The following DNAH6 variants were observed in gnomAD, a reference collection of about 807,000 sequenced individuals.
The protein encoded by DNAH6 is axonemal beta dynein heavy chain 6.
DNAH6 carries 340 observed loss-of-function variants against 491.4 expected under a neutral mutation model. That is an observed-to-expected ratio of 0.69 (90% CI 0.63 to 0.76). The LOEUF (loss-of-function observed/expected upper bound fraction) is 0.76. Among genes scored for constraint, DNAH6 ranks in the 30% least tolerant of loss-of-function variants. The pLI, the probability that DNAH6 is intolerant of heterozygous loss-of-function variation, is 0.00. For missense variants in DNAH6, 4,443 were observed against 4,972.2 expected (o/e 0.89, Z 3.20); for synonymous variants, 1,603 against 1,686.1 (o/e 0.95, Z 1.21).
chr2:84,598,814 G>A (rs916207744), intron 18 of DNAH6, among the ~76,000 whole-genome samples: 2 of 152,050 alleles, frequency 1.3e-5, no homozygotes, highest in Middle Eastern at 3.4e-3. Flanking sequence ...GGTGGATCAC[G>A]AGGTCAAGAG....
intron 21 of DNAH6, among the ~76,000 whole-genome samples, chr2:84,609,761 A>G (rs750468683): frequency 6.6e-6 from 1 of 152,124 alleles, no homozygotes; most frequent in Non-Finnish European, 1.5e-5. Context: ...ATTTTGACCC[A>G]GAGACAAAGT....
chr2:84,817,313 A>G (rs1216118883), intron 76 of DNAH6, among the ~76,000 whole-genome samples: 1 of 152,272 alleles, frequency 6.6e-6, no homozygotes, highest in Non-Finnish European at 1.5e-5. Flanking sequence ...GTGCATATAA[A>G]AAGATAATGG....
At chr2:84,553,115 A>G (rs1038764407) in intron 10 of DNAH6, 81 bp downstream of exon 10, 10 of 776,718 alleles carry the variant, frequency 1.3e-5, no homozygotes, top group Non-Finnish European at 2.1e-5. Flanking sequence ...ATTGGTTGTC[A>G]GAATTGCAGT....
intron 76 of DNAH6, among the ~76,000 whole-genome samples, chr2:84,817,338 A>C (rs1275703546): frequency 2.0e-5 from 3 of 152,252 alleles, no homozygotes; most frequent in Non-Finnish European, 4.4e-5. Flanking sequence ...TCACCTTCAA[A>C]GGGTTGAGGG....
rs776193654 is a variant in DNAH6, at chr2:84,557,738, G to GGTATT, written c.1607_1611dup (p.Leu538ValfsTer48). ...TTTATGCTTTTCTCTTTAACAGGAT[G>GGTATT]GTATTTTGGGTGCAGTTAATCACTG... On this transcript the variant is annotated frameshift_variant, in exon 11 of 77. Coordinates refer to ENST00000389394, the MANE Select transcript of DNAH6 (RefSeq NM_001370.2). LOFTEE classifies it high-confidence loss of function. 3 of 1,550,870 alleles carry GGTATT rather than the reference G, an allele frequency of 1.9e-6. No individual in the cohort carries two copies. In the South Asian group the frequency reaches 3.5e-5, roughly 18 times the overall value.
At chr2:84,526,211 A>G (rs899302762) in intron 3 of DNAH6, among the ~76,000 whole-genome samples, 1 of 152,098 alleles carries the variant, frequency 6.6e-6, no homozygotes, top group Admixed American at 6.6e-5. Context: ...TTAAATGAAT[A>G]TCTCTAGATA....
intron 63 of DNAH6, among the ~76,000 whole-genome samples, chr2:84,745,908 A>C (rs1672932424): frequency 6.6e-6 from 1 of 152,158 alleles, no homozygotes; most frequent in Admixed American, 6.5e-5. Context: ...ACAAAGCCAT[A>C]GTTACCAGGA....
Position 84,544,345 on chromosome 2 carries a change from C to A in DNAH6, c.775C>A (p.Gln259Lys), listed in dbSNP as rs1249162322. The change falls in exon 5 of 77, where the codon CAG becomes AAG. Residue 259 changes from glutamine to lysine, a missense_variant. Gln to Lys is a moderately conservative substitution (Grantham distance 53). Around this residue, in one of 3 missense-constraint regions of DNAH6, gnomAD observed 2,977 missense variants for 3,296.6 expected, o/e 0.90. Transcript: ENST00000389394. ...ATTTATCGAAATTGATCGATGGGAA[C>A]AGGAATATCTGTATCACAGAGAACT... ...IEFIEIDRWE[Q>K]EYLYHRELTK... The A allele has an allele frequency of 5.2e-6, 8 of 1,545,052 alleles. No individual in the cohort carries two copies. Among genetic ancestry groups the A allele is most frequent in the Non-Finnish European group, 7.0e-6 (8 of 1,141,430 alleles).
intron 4 of DNAH6, among the ~76,000 whole-genome samples, chr2:84,530,509 A>C (rs1044231755): frequency 6.6e-6 from 1 of 152,168 alleles, no homozygotes; most frequent in African/African-American, 2.4e-5. Flanking sequence ...GATAAAGGAT[A>C]TATCGTGCAA....
intron 63 of DNAH6, among the ~76,000 whole-genome samples, chr2:84,755,090 T>C (rs1367514554): frequency 6.6e-6 from 1 of 152,248 alleles, no homozygotes. Flanking sequence ...GATTTAAATG[T>C]GTTCCCCAAA....
intron 1 of DNAH6, among the ~76,000 whole-genome samples, chr2:84,517,279 T>C (rs1310798204): frequency 6.6e-6 from 1 of 152,208 alleles, no homozygotes; most frequent in Non-Finnish European, 1.5e-5. Flanking sequence ...AGTGTATGAA[T>C]CAGAACCTTC....
intron 64 of DNAH6, chr2:84,778,130 A>G: frequency 2.6e-6 from 2 of 772,184 alleles, no homozygotes; most frequent in Non-Finnish European, 4.8e-6. Flanking sequence ...AGGCCATGCC[A>G]ACAGCACCAA....
intron 52 of DNAH6, among the ~76,000 whole-genome samples, chr2:84,706,498 G>A (rs920041325): frequency 6.6e-6 from 1 of 152,162 alleles, no homozygotes; most frequent in African/African-American, 2.4e-5. Flanking sequence ...ACAGGCAGCA[G>A]GCTAGATTTG....
At chr2:84,818,576 A>G (rs1680729798) in intron 76 of DNAH6, among the ~76,000 whole-genome samples, 2 of 151,940 alleles carry the variant, frequency 1.3e-5, no homozygotes, top group South Asian at 2.1e-4. Flanking sequence ...CCTTACAGGA[A>G]GAGAGGAATA....
intron 4 of DNAH6, among the ~76,000 whole-genome samples, chr2:84,542,363 C>T (rs562184098): frequency 3.9e-5 from 6 of 152,288 alleles, no homozygotes; most frequent in South Asian, 2.1e-4. Context: ...CTATTGACAA[C>T]GAGAAAAGGA....
At chr2:84,796,162 T>C (rs1678326011) in intron 68 of DNAH6, 144 bp from the exon 69 acceptor site, 1 of 514,420 alleles carries the variant, frequency 1.9e-6, no homozygotes, top group East Asian at 3.2e-5. Context: ...TTTGAGGGGG[T>C]GGTGGAAGGA....
At chr2:84,625,166 C>G in intron 29 of DNAH6, 103 bp downstream of exon 29, 1 of 1,102,872 alleles carries the variant, frequency 9.1e-7, no homozygotes, top group Non-Finnish European at 1.2e-6. Flanking sequence ...TGATGACAAG[C>G]AAGAGAAAAG....
Position 84,645,279 on chromosome 2 carries a change from C to T in DNAH6, c.5078+3225C>T, listed in dbSNP as rs985421049. Among the ~76,000 whole-genome samples the T allele has an allele frequency of 2.6e-4, 40 of 152,158 alleles. No individual in the cohort carries two copies. In the Middle Eastern group the frequency reaches 0.01, roughly 39 times the overall value. On this transcript the variant is annotated intron_variant, in intron 33 of 76. Coordinates refer to ENST00000389394, the MANE Select transcript of DNAH6 (RefSeq NM_001370.2). Reference sequence around the variant, plus strand: ...TACTAAAAATACAAAATTAGCTGGGCATGGTGGCACATGCCTGTAATCCCA... The same window carrying T: ...TACTAAAAATACAAAATTAGCTGGGTATGGTGGCACATGCCTGTAATCCCA...
At chr2:84,625,653 A>G (rs1687791437) in intron 29 of DNAH6, among the ~76,000 whole-genome samples, 2 of 152,210 alleles carry the variant, frequency 1.3e-5, no homozygotes, top group African/African-American at 4.8e-5. Context: ...AGCCCATTAT[A>G]TGTTAACTTA....
Sources: gnomAD v4.1 joint callset for allele counts (sites outside exome capture counted in the v4.1 genomes callset) on GRCh38, gnomAD v4.1.1 for gene constraint, gnomAD v4.1.1 regional missense constraint, MANE v1.5 for transcripts, NCBI Gene and HGNC (gene_info 2026-07-23, HGNC 2026-07-21) for gene names.